NUDT17: variants seen among roughly 807,000 people sequenced by gnomAD.
NUDT17 encodes the protein m7GpppN-mRNA hydrolase NUDT17.
Under a neutral mutation model 38.6 loss-of-function variants are expected in NUDT17, and 38 were observed. That is an observed-to-expected ratio of 0.98 (90% CI 0.76 to 1.29). The LOEUF (loss-of-function observed/expected upper bound fraction) is 1.29, where lower values mean the gene tolerates loss of function less well. Ranked by LOEUF, NUDT17 falls within the 50% of genes most tolerant of loss-of-function variation. The pLI, the probability that NUDT17 is intolerant of heterozygous loss-of-function variation, is 0.00. For missense variants in NUDT17, 462 were observed against 415.2 expected, an observed-to-expected ratio of 1.11 and a Z score of -0.98; for synonymous variants, 192 against 167.8, an observed-to-expected ratio of 1.14 and a Z score of -1.11.
chr1:145,846,408 CCTA>C (rs1559158957), intron 2 of NUDT17, 22 bp from the exon 3 acceptor site: 3 of 1,614,080 alleles, frequency 1.9e-6, no homozygotes, highest in Non-Finnish European at 1.7e-6. Flanking sequence ...CCACCATTCA[CCTA>C]CTGGCCCCAC....
Position 145,848,716 on chromosome 1 carries a change from C to G in NUDT17, c.*237C>G, listed in dbSNP as rs990316783. 4.2e-6 allele frequency: 2 copies of G among 473,396 alleles called. No homozygotes were observed. Among genetic ancestry groups the G allele is most frequent in the Non-Finnish European group, 3.7e-6 (1 of 269,164 alleles). The allele number at this position is 473,396 out of a possible 1,614,324, so 29.3% of individuals were successfully genotyped here. On this transcript the variant is annotated 3_prime_UTR_variant, in exon 8 of 8. Coordinates refer to ENST00000334513, the MANE Select transcript of NUDT17 (RefSeq NM_001012758.3). ...CTACAGGGCCATGAGCCTCTAGAAG[C>G]TTAGGGGGGAATAAGAAACACTGTG...
At position 145,847,250 on chromosome 1, in the gene NUDT17, T is replaced by C. The variant is rs1232663950; in HGVS notation, c.496T>C (p.Ser166Pro). The C allele has an allele frequency of 1.5e-5, 24 of 1,574,256 alleles. No homozygotes were observed. The highest frequency in any genetic ancestry group is 2.0e-5 in the Non-Finnish European group (23 of 1,153,748). ...FSWVPLGLWE[S>P]AYPPRLSWGL... The stretch of plus-strand genomic sequence containing the variant: ...CACTTTTGCTGTTTTCTTTTCCTAG[T>C]CTGCCTACCCTCCTAGGCTGAGCTG... The change falls in exon 5 of 8, where the codon TCT (serine) becomes CCT (proline). Residue 166 changes from serine (S) to proline (P), a missense_variant and splice_region_variant. Transcript: ENST00000334513.
At chr1:145,847,382 CA>C in intron 5 of NUDT17, 34 bp downstream of exon 5, 1 of 1,523,764 alleles carries the variant, frequency 6.6e-7, no homozygotes, top group Middle Eastern at 1.8e-4. Context: ...AAACAGGGCT[CA>C]GGGGAGCCCA....
rs587632727 is a variant in NUDT17 at position 145,847,540 on chromosome 1, C to G, written c.595-43C>G. 20 of 1,607,876 alleles carry G rather than the reference C, an allele frequency of 1.2e-5. No individual in the cohort carries two copies. The African/African-American group carries it at 2.7e-4, about 21-fold the overall frequency. Reference sequence around the variant, plus strand: ...AGGTTTTGATCACGAACAGGCAGCCCAGGGAGAGGCAATGACTGAGGGGTC... The same window carrying G: ...AGGTTTTGATCACGAACAGGCAGCCGAGGGAGAGGCAATGACTGAGGGGTC... On this transcript the variant is annotated intron_variant, in intron 5 of 7. Transcript: ENST00000334513.
In NUDT17 at chr1:145,848,447, C is replaced by T; in HGVS notation, c.955C>T (p.Pro319Ser). 6.2e-7 allele frequency: 1 copy of T among 1,614,030 alleles called. No homozygotes were observed. Among genetic ancestry groups the T allele is most frequent in the Non-Finnish European group, 8.5e-7 (1 of 1,179,912 alleles). Residue 319 changes from proline to serine, a missense_variant, in exon 8 of 8, where the codon CCT (proline) becomes TCT (serine). Pro to Ser is a moderately conservative substitution (Grantham distance 74, BLOSUM62 -1). Coordinates refer to ENST00000334513, the MANE Select transcript of NUDT17 (RefSeq NM_001012758.3). ...AGCAAAGGAAGAATGGAACATGGACCCTCTTCCCCCAAACCAGGGGTCTGG... is the reference window on the plus strand; with the variant it reads ...AGCAAAGGAAGAATGGAACATGGACTCTCTTCCCCCAAACCAGGGGTCTGG... The part of the protein sequence containing the change: ...GPAKEEWNMD[P>S]LPPNQGSGK
intron 3 of NUDT17, 48 bp from the exon 4 acceptor site, chr1:145,846,549 TG>T (rs1249687210): frequency 2.5e-6 from 4 of 1,605,224 alleles, no homozygotes; most frequent in Non-Finnish European, 3.4e-6. Context: ...CAAAAGGACT[TG>T]GAAGAGTCAG....
Position 145,847,578 on chromosome 1 carries a change from C to G in NUDT17, c.595-5C>G. ...TGACTGAGGGGTCACCATGTCTGAC[C>G]CCAGGCCCGGATCCAACCAAACCCA... is the stretch of plus-strand genomic sequence containing the variant. On this transcript the variant is annotated splice_region_variant and splice_polypyrimidine_tract_variant and intron_variant, in intron 5 of 7. Coordinates refer to ENST00000334513, the MANE Select transcript of NUDT17 (RefSeq NM_001012758.3). The G allele has an allele frequency of 6.2e-7, 1 of 1,612,644 alleles. No homozygotes were observed. Among genetic ancestry groups the G allele is most frequent in the Non-Finnish European group, 8.5e-7 (1 of 1,179,970 alleles).
chr1:145,845,961 C>A, intron 1 of NUDT17, 52 bp from the exon 2 acceptor site: 4 of 1,551,474 alleles, frequency 2.6e-6, no homozygotes, highest in Non-Finnish European at 3.5e-6. Flanking sequence ...AAGTCACGCC[C>A]ACCCAGTGCC....
intron 4 of NUDT17, 27 bp from the exon 5 acceptor site, chr1:145,847,223 C>G: frequency 7.9e-7 from 1 of 1,266,754 alleles, no homozygotes; most frequent in Non-Finnish European, 1.1e-6. Context: ...ACGGAAAGTT[C>G]TCACTTTTGC....
rs1050057 is a variant in NUDT17 at position 145,848,665 on chromosome 1, A to C, written c.*186A>C. ...GCACAGGGTCCTTCCACCTCCCTGG[A>C]AAGGTGCAGAATGAGCCAGGCCTAA... is the stretch of plus-strand genomic sequence containing the variant. On this transcript the variant is annotated 3_prime_UTR_variant, in exon 8 of 8. Coordinates refer to ENST00000334513, the MANE Select transcript of NUDT17 (RefSeq NM_001012758.3). The C allele has an allele frequency of 0.029, 16,976 of 581,480 alleles. 2,157 individuals are homozygous for C. The highest frequency in any genetic ancestry group is 0.28 in the African/African-American group (15,055 of 53,504). The allele number at this position is 581,480 out of a possible 1,614,324, so 36.0% of individuals were successfully genotyped here.
intron 4 of NUDT17, 129 bp from the exon 5 acceptor site, chr1:145,847,121 G>C: frequency 1.7e-6 from 1 of 599,822 alleles, no homozygotes; most frequent in Non-Finnish European, 3.0e-6. Context: ...TTGAACCCAG[G>C]AGGCAGAGGT....
chr1:145,848,147 C>G lies in NUDT17; in HGVS notation c.767C>G (p.Pro256Arg). ...VELEEDGRAR[P>R]LVLHMSTLLR... ...CTAGAGGAGGATGGAAGAGCCCGAC[C>G]TCTGGTCCTGCACATGTCCACCCTC... The change falls in exon 7 of 8, where the codon CCT becomes CGT. Residue 256 changes from proline (P) to arginine (R), a missense_variant. Physicochemically the swap from Pro to Arg is moderately radical, Grantham distance 103. Transcript: ENST00000334513. 1.9e-6 allele frequency: 3 copies of G among 1,614,096 alleles called. No homozygotes were observed. Among genetic ancestry groups the G allele is most frequent in the Non-Finnish European group, 2.5e-6 (3 of 1,179,972 alleles).
In NUDT17 at chr1:145,848,506, C is replaced by T; in HGVS notation, c.*27C>T. 7.0e-7 allele frequency: 1 copy of T among 1,431,742 alleles called. No homozygotes were observed. The highest frequency in any genetic ancestry group is 1.2e-5 in the South Asian group (1 of 85,590). 88.7% of individuals were successfully genotyped at this position (1,431,742 alleles called of 1,614,324 possible). ...GTGTAAAATCCCCTCCCTAGCCCAT[C>T]TCCATGACACTCACAGAACATTCAC... On this transcript the variant is annotated 3_prime_UTR_variant, in exon 8 of 8. Transcript: ENST00000334513.
chr1:145,847,724 G>A lies in NUDT17; in HGVS notation c.731+5G>A. 6.2e-7 allele frequency: 1 copy of A among 1,614,008 alleles called. No homozygotes were observed. The highest frequency in any genetic ancestry group is 8.5e-7 in the Non-Finnish European group (1 of 1,179,888). On this transcript the variant is annotated splice_donor_5th_base_variant and intron_variant, in intron 6 of 7. Coordinates refer to ENST00000334513, the MANE Select transcript of NUDT17 (RefSeq NM_001012758.3). ...GGACCTACCACCCTCTGTCCTGTAAGTAAGAGCTTCTCCCTCAGCCTCTAA... is the reference window on the plus strand; with the variant it reads ...GGACCTACCACCCTCTGTCCTGTAAATAAGAGCTTCTCCCTCAGCCTCTAA...
In NUDT17 at chr1:145,846,006, C is replaced by A. The variant is rs781831143; in HGVS notation, c.193-7C>A. ...AAGCCTTAACCCAGCTGGCTTCCTT[C>A]TGCCAGCGACCCCCTTTCTGCCCTT... On this transcript the variant is annotated splice_region_variant and splice_polypyrimidine_tract_variant and intron_variant, in intron 1 of 7. Transcript: ENST00000334513. 1 of 1,594,396 alleles carries A rather than the reference C, an allele frequency of 6.3e-7. No individual in the cohort carries two copies. The highest frequency in any genetic ancestry group is 1.1e-5 in the South Asian group (1 of 88,080).
rs1424530315 is a variant in NUDT17 at position 145,847,642 on chromosome 1, A to G, written c.654A>G (p.Val218=). The part of the protein sequence containing the change: ...VSALMWLTPD[V]AAAVAAAEDG... ...CCCTTATGTGGCTGACACCAGATGT[A>G]GCTGCTGCAGTGGCTGCCGCAGAGG... Residue 218 remains valine, a synonymous_variant, in exon 6 of 8, where the codon GTA becomes GTG. Coordinates refer to ENST00000334513, the MANE Select transcript of NUDT17 (RefSeq NM_001012758.3). The G allele has an allele frequency of 6.2e-7, 1 of 1,614,026 alleles. No individual in the cohort carries two copies. The highest frequency in any genetic ancestry group is 1.7e-4 in the Middle Eastern group (1 of 6,050).
In NUDT17 at chr1:145,846,145, AC is replaced by A; in HGVS notation, c.328del (p.Arg110GlufsTer6). On this transcript the variant is annotated frameshift_variant, in exon 2 of 8. Coordinates refer to ENST00000334513, the MANE Select transcript of NUDT17 (RefSeq NM_001012758.3). LOFTEE classifies it high-confidence loss of function. ...LQSSDKTVLL[T>X]RRARTLSVSP... ...GTCCAGCGACAAGACTGTCTTGCTA[AC>A]CCGAAGGGCACGCACCCTGAGCGTT... The A allele has an allele frequency of 6.3e-7, 1 of 1,598,550 alleles. No individual in the cohort carries two copies. Among genetic ancestry groups the A allele is most frequent in the Non-Finnish European group, 8.5e-7 (1 of 1,172,902 alleles).
Position 145,847,341 on chromosome 1 carries a change from A to T in NUDT17, c.587A>T (p.Gln196Leu), listed in dbSNP as rs1553732811. 1.4e-6 allele frequency: 2 copies of T among 1,446,888 alleles called. No homozygotes were observed. The highest frequency in any genetic ancestry group is 3.3e-5 in the East Asian group (1 of 30,090). The allele number at this position is 1,446,888 out of a possible 1,614,324, so 89.6% of individuals were successfully genotyped here. A position where few individuals can be genotyped will look rare whatever the true frequency, so the allele number is the denominator to read the frequency against. Residue 196 changes from glutamine (Q) to leucine (L), a missense_variant, in exon 5 of 8, where the codon CAG becomes CTG. Coordinates refer to ENST00000334513, the MANE Select transcript of NUDT17 (RefSeq NM_001012758.3). ...GTGATCTCCCAGGAATCACAGCAGC[A>T]GTTGCAGGTAGGGCTGGCAGTGAGG... Reference protein sequence around the residue: ...LLVISQESQQQLQARIQPNPN... With the variant: ...LLVISQESQQLLQARIQPNPN...
intron 5 of NUDT17, 95 bp downstream of exon 5, chr1:145,847,443 TAGTC>T (rs1283945782): frequency 6.6e-6 from 9 of 1,357,590 alleles, no homozygotes; most frequent in Non-Finnish European, 8.3e-6. Context: ...GTGGCGGGGG[TAGTC>T]AGAGATAACG....
Sources: gnomAD v4.1 joint callset for allele counts on GRCh38, gnomAD v4.1.1 for gene constraint, MANE v1.5 for transcripts, NCBI Gene and HGNC (gene_info 2026-07-23, HGNC 2026-07-21) for gene names.